The following TRIM48 variants were observed in gnomAD, a reference collection of about 807,000 sequenced individuals.
The protein encoded by TRIM48 is tripartite motif containing 48, also known as E3 ubiquitin-protein ligase TRIM48.
TRIM48 carries 31 observed loss-of-function variants against 29.5 expected under a neutral mutation model. The ratio of observed to expected loss-of-function variants is 1.05; its 90% CI spans 0.79 to 1.42. TRIM48 has a LOEUF of 1.42. TRIM48 is among the 40% of genes most tolerant of loss of function. TRIM48 has a pLI of 0.00. For missense variants in TRIM48, 344 were observed against 265.0 expected (o/e 1.30, Z -2.07); for synonymous variants, 128 against 90.6 (o/e 1.41, Z -2.34).
rs1464716694 is a variant in TRIM48 at position 55,270,381 on chromosome 11, C to G, written c.*2-56C>G. 9.9e-6 allele frequency: 13 copies of G among 1,311,826 alleles called. 1 individual carries two copies. Among genetic ancestry groups the G allele is most frequent in the Non-Finnish European group, 1.2e-5 (12 of 969,552 alleles). 81.3% of individuals were successfully genotyped at this position (1,311,826 alleles called of 1,614,324 possible). ...ACGATTTTTGCTTATTTACACATGC[C>G]TATGCATGTTTTCTTTCTTTCTTTC... On this transcript the variant is annotated intron_variant, in intron 5 of 5. Coordinates refer to ENST00000417545, the MANE Select transcript of TRIM48 (RefSeq NM_024114.5).
chr11:55,266,177 C>A (rs927778757), intron 3 of TRIM48, among the ~76,000 whole-genome samples: 2 of 147,194 alleles, frequency 1.4e-5, no homozygotes, highest in African/African-American at 5.0e-5. Flanking sequence ...AATTAAGAAT[C>A]CAAACTAATT....
At chr11:55,265,561 T>C (rs184963550) in intron 2 of TRIM48, 39 bp from the exon 3 acceptor site, 1 of 1,567,818 alleles carries the variant, frequency 6.4e-7, no homozygotes, top group Non-Finnish European at 8.7e-7. Flanking sequence ...TGTTACTTTA[T>C]TGTCTTCACT....
In TRIM48 at chr11:55,270,808, T is replaced by A. The variant is rs1444396480; in HGVS notation, c.*373T>A. ...CCCAAGACCTACCAACCATGTAGAA[T>A]TATTCCTGGATTGTGAAGCTAGAAC... On this transcript the variant is annotated 3_prime_UTR_variant, in exon 6 of 6. Coordinates refer to ENST00000417545, the MANE Select transcript of TRIM48 (RefSeq NM_024114.5). The A allele has an allele frequency of 1.3e-6, 2 of 1,575,026 alleles. No individual in the cohort carries two copies. The highest frequency in any genetic ancestry group is 2.7e-5 in the African/African-American group (2 of 73,358).
intron 2 of TRIM48, 64 bp downstream of exon 2, chr11:55,265,378 T>C: frequency 6.4e-7 from 1 of 1,572,482 alleles, no homozygotes; most frequent in Non-Finnish European, 8.6e-7. Flanking sequence ...GGCCCTATTT[T>C]CTTGGAGATT....
intron 1 of TRIM48, among the ~76,000 whole-genome samples, chr11:55,262,846 G>C (rs185558992): frequency 6.6e-6 from 1 of 151,976 alleles, no homozygotes; most frequent in Non-Finnish European, 1.5e-5. Flanking sequence ...TGTGATGGTG[G>C]TTGCCATCTC....
intron 1 of TRIM48, among the ~76,000 whole-genome samples, chr11:55,263,530 C>T (rs1191505241): frequency 6.6e-6 from 1 of 151,874 alleles, no homozygotes; most frequent in African/African-American, 2.4e-5. Flanking sequence ...GGTGTAGTGG[C>T]ATGTTCCTAT....
Position 55,270,861 on chromosome 11 carries a change from C to T in TRIM48, c.*426C>T. On this transcript the variant is annotated 3_prime_UTR_variant, in exon 6 of 6. Coordinates refer to ENST00000417545, the MANE Select transcript of TRIM48 (RefSeq NM_024114.5). ...TGAGCTTCGTTGATGTTAGTCAAAGCTCCCCTATATACACCATCCCTAATT... is the reference window on the plus strand; with the variant it reads ...TGAGCTTCGTTGATGTTAGTCAAAGTTCCCCTATATACACCATCCCTAATT... The T allele has an allele frequency of 2.6e-6, 4 of 1,566,346 alleles. 1 individual carries two copies. Among genetic ancestry groups the T allele is most frequent in the East Asian group, 4.9e-5 (2 of 41,162 alleles).
chr11:55,266,322 A>G (rs1857391938), intron 3 of TRIM48, among the ~76,000 whole-genome samples: 1 of 147,742 alleles, frequency 6.8e-6, no homozygotes, highest in Non-Finnish European at 1.5e-5. Flanking sequence ...AGGACTTCAG[A>G]AAAATATTAA....
chr11:55,264,763 G>A, intron 1 of TRIM48, 137 bp from the exon 2 acceptor site: 1 of 1,385,550 alleles, frequency 7.2e-7, no homozygotes, highest in Non-Finnish European at 9.8e-7. Flanking sequence ...TTTTATTTTT[G>A]TTACAGAAGA....
In TRIM48 at chr11:55,267,481, A is replaced by G. The variant is rs1857411091; in HGVS notation, c.556-869A>G. ...TGCCTGCATTTCATCATGAAGAAGA[A>G]AAACATAATTTGGAGATGCTGAAAA... On this transcript the variant is annotated intron_variant, in intron 3 of 5. Coordinates refer to ENST00000417545, the MANE Select transcript of TRIM48 (RefSeq NM_024114.5). The G allele has an allele frequency of 1.9e-6, 3 of 1,579,966 alleles. 1 individual carries two copies. Among genetic ancestry groups the G allele is most frequent in the Non-Finnish European group, 2.6e-6 (3 of 1,163,814 alleles).
chr11:55,266,863 A>G (rs1204210307), intron 3 of TRIM48, among the ~76,000 whole-genome samples: 1 of 147,466 alleles, frequency 6.8e-6, no homozygotes, highest in African/African-American at 2.5e-5. Flanking sequence ...AAAGAAGTCT[A>G]TGTTTCAGAT....
rs189509740 is a variant in TRIM48, at chr11:55,264,441, C to T, written c.45-459C>T. ...AAACATGTGCCATGGTGGTTTGCTG[C>T]CCCACTGTTGTGTCTCTCTCTCAAA... On this transcript the variant is annotated intron_variant, in intron 1 of 5. Coordinates refer to ENST00000417545, the MANE Select transcript of TRIM48 (RefSeq NM_024114.5). 5.4e-5 allele frequency among the ~76,000 whole-genome samples: 8 copies of T among 148,126 alleles called. 1 individual carries two copies. In the East Asian group the frequency reaches 8.7e-4, roughly 16 times the overall value.
In TRIM48 at chr11:55,269,357, G is replaced by T; in HGVS notation, c.*1+18G>T. On this transcript the variant is annotated intron_variant, in intron 5 of 5. Coordinates refer to ENST00000417545, the MANE Select transcript of TRIM48 (RefSeq NM_024114.5). ...ATTCTGAGGTAAGTCTCCACCCACAGGCAGCACCCCCACTATCTAAATATT... is the reference window on the plus strand; with the variant it reads ...ATTCTGAGGTAAGTCTCCACCCACATGCAGCACCCCCACTATCTAAATATT... 6.4e-7 allele frequency: 1 copy of T among 1,570,066 alleles called. No individual in the cohort carries two copies. The highest frequency in any genetic ancestry group is 8.6e-7 in the Non-Finnish European group (1 of 1,163,914).
In TRIM48 at chr11:55,270,741, G is replaced by A; in HGVS notation, c.*306G>A. The A allele has an allele frequency of 1.3e-6, 2 of 1,564,198 alleles. No individual in the cohort carries two copies. The highest frequency in any genetic ancestry group is 1.7e-6 in the Non-Finnish European group (2 of 1,148,686). ...TTGGGTGTGTTAAGAACGACATTCA[G>A]TGCAGTCTCTTTACCACCTCCCCAA... On this transcript the variant is annotated 3_prime_UTR_variant, in exon 6 of 6. Coordinates refer to ENST00000417545, the MANE Select transcript of TRIM48 (RefSeq NM_024114.5).
In TRIM48 at chr11:55,270,681, T is replaced by C; in HGVS notation, c.*246T>C. Reference sequence around the variant, plus strand: ...AGTATTGGAAAGGGAAGAATCAGAATGGCAATATATATGGAGAGGAGGGAC... The same window carrying C: ...AGTATTGGAAAGGGAAGAATCAGAACGGCAATATATATGGAGAGGAGGGAC... On this transcript the variant is annotated 3_prime_UTR_variant, in exon 6 of 6. Coordinates refer to ENST00000417545, the MANE Select transcript of TRIM48 (RefSeq NM_024114.5). The C allele has an allele frequency of 1.3e-6, 2 of 1,574,094 alleles. No individual in the cohort carries two copies. Among genetic ancestry groups the C allele is most frequent in the Admixed American group, 1.7e-5 (1 of 58,250 alleles).
intron 1 of TRIM48, among the ~76,000 whole-genome samples, chr11:55,264,199 T>C (rs1311543901): frequency 6.7e-6 from 1 of 148,530 alleles, no homozygotes; most frequent in Non-Finnish European, 1.5e-5. Context: ...GAGAAGTTAA[T>C]TCAATCCAAG....
Position 55,266,633 on chromosome 11 carries a change from G to T in TRIM48, c.555+938G>T, listed in dbSNP as rs1857397890. Among the ~76,000 whole-genome samples, 3 of 147,774 alleles carry T rather than the reference G, an allele frequency of 2.0e-5. 1 individual carries two copies. The highest frequency in any genetic ancestry group is 4.8e-4 in the South Asian group (2 of 4,124). ...TAGAGGCCAGAAACTGGAGATTAGTGTGTGAGTTTAAAATAGGGTGGTCAG... is the reference window on the plus strand; with the variant it reads ...TAGAGGCCAGAAACTGGAGATTAGTTTGTGAGTTTAAAATAGGGTGGTCAG... On this transcript the variant is annotated intron_variant, in intron 3 of 5. Coordinates refer to ENST00000417545, the MANE Select transcript of TRIM48 (RefSeq NM_024114.5).
chr11:55,270,641 T>A lies in TRIM48; in HGVS notation c.*206T>A, dbSNP rs1043909112. On this transcript the variant is annotated 3_prime_UTR_variant, in exon 6 of 6. Coordinates refer to ENST00000417545, the MANE Select transcript of TRIM48 (RefSeq NM_024114.5). ...GTGGGGGACTCTTGGAATTGGGCTT[T>A]TGGTGTCTGTAATAAGTATTGGAAA... is the stretch of plus-strand genomic sequence containing the variant. The A allele has an allele frequency of 3.2e-6, 5 of 1,580,610 alleles. No individual in the cohort carries two copies. Among genetic ancestry groups the A allele is most frequent in the Non-Finnish European group, 4.3e-6 (5 of 1,163,448 alleles).
Position 55,269,178 on chromosome 11 carries a change from A to T in TRIM48, c.579-64A>T, listed in dbSNP as rs1235826662. ...GATTCTCATGAAATGTCTTTTAAACACAAGTAGTGATTTTTATTTATTTTA... is the reference window on the plus strand; with the variant it reads ...GATTCTCATGAAATGTCTTTTAAACTCAAGTAGTGATTTTTATTTATTTTA... On this transcript the variant is annotated intron_variant, in intron 4 of 5. Coordinates refer to ENST00000417545, the MANE Select transcript of TRIM48 (RefSeq NM_024114.5). 7.2e-6 allele frequency: 11 copies of T among 1,531,002 alleles called. 1 individual carries two copies. The Admixed American group carries it at 2.0e-4, about 28-fold the overall frequency. The allele number at this position is 1,531,002 out of a possible 1,614,324, so 94.8% of individuals were successfully genotyped here. A position where few individuals can be genotyped will look rare whatever the true frequency, so the allele number is the denominator to read the frequency against.
Sources: allele counts gnomAD v4.1 joint callset (sites outside exome capture counted in the v4.1 genomes callset), GRCh38; gene constraint gnomAD v4.1.1; transcripts MANE v1.5; gene names NCBI Gene and HGNC (gene_info 2026-07-23, HGNC 2026-07-21).